Variants in FNBP1L observed in about 807,000 individuals in gnomAD.
The protein encoded by FNBP1L is formin-binding protein 1-like.
Under a neutral mutation model 91.2 loss-of-function variants are expected in FNBP1L, and 36 were observed. The ratio of observed to expected loss-of-function variants is 0.39; its 90% CI spans 0.30 to 0.52. FNBP1L has a LOEUF of 0.52. Among genes scored for constraint, FNBP1L ranks in the 20% least tolerant of loss-of-function variants. The probability of loss-of-function intolerance (pLI) is 0.66; values close to 1 mark genes in which losing one functional copy is unlikely to be tolerated. For synonymous variants in FNBP1L, 242 were observed against 237.0 expected (o/e 1.02, Z -0.19); for missense variants, 571 against 732.1 (o/e 0.78, Z 2.54).
chr1:93,513,529 T>G (rs1670942290), intron 2 of FNBP1L, among the ~76,000 whole-genome samples: 1 of 151,366 alleles, frequency 6.6e-6, no homozygotes, highest in Non-Finnish European at 1.5e-5. Context: ...AATAAAATAC[T>G]GGCAAACCGA....
At position 93,487,384 on chromosome 1, in the gene FNBP1L, T is replaced by G. The variant is rs565465343; in HGVS notation, c.25-12084T>G. 2.3e-4 allele frequency among the ~76,000 whole-genome samples: 35 copies of G among 152,184 alleles called. No homozygotes were observed. The South Asian group carries it at 3.7e-3, about 16-fold the overall frequency. ...TGTAAGTCAAAGTGTTCAAACTGAG[T>G]GTATAGTTTGTCAAGTAAATTTCAA... On this transcript the variant is annotated intron_variant, in intron 1 of 16. Transcript: ENST00000271234.
intron 9 of FNBP1L, among the ~76,000 whole-genome samples, chr1:93,535,171 A>G (rs1316058063): frequency 6.6e-6 from 1 of 152,080 alleles, no homozygotes; most frequent in Non-Finnish European, 1.5e-5. Context: ...TTGAAGTTTC[A>G]TTTGTATGTA....
At chr1:93,522,501 A>G (rs1671363620) in intron 3 of FNBP1L, among the ~76,000 whole-genome samples, 5 of 152,218 alleles carry the variant, frequency 3.3e-5, no homozygotes, top group Admixed American at 3.3e-4. Flanking sequence ...ACTGATTGGT[A>G]TAAAGGGATG....
chr1:93,511,948 A>G (rs1248866900), intron 2 of FNBP1L, among the ~76,000 whole-genome samples: 2 of 135,726 alleles, frequency 1.5e-5, no homozygotes, highest in South Asian at 2.6e-4. Context: ...CCTGGGCGAC[A>G]GAGCGAGACT....
chr1:93,532,608 G>T (rs1570856019), intron 7 of FNBP1L, among the ~76,000 whole-genome samples: 2 of 150,788 alleles, frequency 1.3e-5, no homozygotes, highest in Admixed American at 6.6e-5. Flanking sequence ...TGATTGAATA[G>T]TAAAAGGTGG....
chr1:93,519,816 G>A (rs1671262214), intron 2 of FNBP1L, among the ~76,000 whole-genome samples: 1 of 152,168 alleles, frequency 6.6e-6, no homozygotes, highest in Non-Finnish European at 1.5e-5. Context: ...TATTAGTCAG[G>A]CATGATGGTG....
At chr1:93,515,752 C>T (rs1570831924) in intron 2 of FNBP1L, among the ~76,000 whole-genome samples, 1 of 96,524 alleles carries the variant, frequency 1.0e-5, no homozygotes, top group East Asian at 2.9e-4. Context: ...ACATCACACT[C>T]TGGGGACTGT....
At chr1:93,475,957 C>G (rs570309179) in intron 1 of FNBP1L, among the ~76,000 whole-genome samples, 1 of 151,736 alleles carries the variant, frequency 6.6e-6, no homozygotes, top group African/African-American at 2.4e-5. Flanking sequence ...TTTTGTTACC[C>G]GACTCAATTT....
At chr1:93,448,416 G>C (rs992446024) in intron 1 of FNBP1L, 111 bp downstream of exon 1, 8 of 1,216,912 alleles carry the variant, frequency 6.6e-6, no homozygotes, top group Non-Finnish European at 8.8e-6. Flanking sequence ...TCCTCGGTCC[G>C]GCGCTGGCGG....
chr1:93,547,754 G>A (rs1388359192), intron 14 of FNBP1L, among the ~76,000 whole-genome samples: 1 of 151,996 alleles, frequency 6.6e-6, no homozygotes, highest in Non-Finnish European at 1.5e-5. Context: ...GTGGAATTAG[G>A]GTCGCTTATG....
At chr1:93,539,405 C>G (rs1053335054) in intron 10 of FNBP1L, among the ~76,000 whole-genome samples, 1 of 151,802 alleles carries the variant, frequency 6.6e-6, no homozygotes, top group Non-Finnish European at 1.5e-5. Context: ...TAAAACCTTA[C>G]ACAGAACATA....
intron 1 of FNBP1L, among the ~76,000 whole-genome samples, chr1:93,448,625 A>C (rs1272876544): frequency 2.0e-5 from 3 of 149,932 alleles, no homozygotes; most frequent in African/African-American, 7.4e-5. Context: ...CTCCACCTTC[A>C]CTTTTCCCGA....
At position 93,551,068 on chromosome 1, in the gene FNBP1L, G is replaced by A. The variant is rs377099662; in HGVS notation, c.1773G>A (p.Thr591=). Residue 591 remains threonine (T), a synonymous_variant, in exon 16 of 17, where the codon ACG becomes ACA. Coordinates refer to ENST00000271234, the MANE Select transcript of FNBP1L (RefSeq NM_001164473.3). The part of the protein sequence containing the change: ...RQNGEEGYVP[T]SYIDVTLEKN... ...ACGGTGAAGAAGGCTACGTTCCCAC[G>A]TCATACATAGATGTAACTCTAGAGA... The A allele has an allele frequency of 8.7e-6, 14 of 1,612,010 alleles. No homozygotes were observed. The highest frequency in any genetic ancestry group is 5.3e-5 in the African/African-American group (4 of 74,812).
At chr1:93,494,000 A>C (rs775663986) in intron 1 of FNBP1L, among the ~76,000 whole-genome samples, 3 of 152,184 alleles carry the variant, frequency 2.0e-5, no homozygotes, top group Admixed American at 6.5e-5. Flanking sequence ...TTTTGTCACT[A>C]TCTGTCTGGA....
chr1:93,537,085 CTG>C (rs1671873938), intron 10 of FNBP1L, among the ~76,000 whole-genome samples: 1 of 151,934 alleles, frequency 6.6e-6, no homozygotes, highest in Admixed American at 6.6e-5. Context: ...GTTTACTAAA[CTG>C]TTGTTTAGCA....
At chr1:93,476,816 A>G (rs1017834888) in intron 1 of FNBP1L, among the ~76,000 whole-genome samples, 1 of 152,226 alleles carries the variant, frequency 6.6e-6, no homozygotes, top group Non-Finnish European at 1.5e-5. Context: ...AGCCAGAGCA[A>G]AACAGACACA....
At chr1:93,530,588 A>G (rs1168559989) in intron 6 of FNBP1L, among the ~76,000 whole-genome samples, 167 bp from the exon 7 acceptor site, 3 of 152,146 alleles carry the variant, frequency 2.0e-5, no homozygotes, top group South Asian at 2.1e-4. Flanking sequence ...AATATAAAAT[A>G]TATTTTAAAT....
intron 2 of FNBP1L, among the ~76,000 whole-genome samples, chr1:93,503,835 G>A (rs916895671): frequency 3.3e-5 from 5 of 152,164 alleles, no homozygotes; most frequent in Admixed American, 1.3e-4. Context: ...CCATATATAT[G>A]TGATAAGTTT....
At chr1:93,485,167 AAG>A (rs1043748050) in intron 1 of FNBP1L, among the ~76,000 whole-genome samples, 1 of 151,506 alleles carries the variant, frequency 6.6e-6, no homozygotes, top group African/African-American at 2.4e-5. Context: ...AAAAAAAAAA[AAG>A]GAAAGAAAGG....
Sources: gnomAD v4.1 joint callset for allele counts (sites outside exome capture counted in the v4.1 genomes callset) on GRCh38, gnomAD v4.1.1 for gene constraint, MANE v1.5 for transcripts, NCBI Gene and HGNC (gene_info 2026-07-23, HGNC 2026-07-21) for gene names.